Variants in C19orf81 observed in about 807,000 individuals in gnomAD.
C19orf81 encodes chromosome 19 open reading frame 81.
Under a neutral mutation model 22.1 loss-of-function variants are expected in C19orf81, and 19 were observed. That is an observed-to-expected ratio of 0.86 (90% CI 0.60 to 1.26). C19orf81 has a LOEUF of 1.26. C19orf81 is among the 50% of genes most tolerant of loss of function. The pLI is 0.00. For synonymous variants in C19orf81, 108 were observed against 113.1 expected (o/e 0.95, Z 0.29); for missense variants, 287 against 280.7 (o/e 1.02, Z -0.16).
intron 4 of C19orf81, chr19:50,658,628 T>G: frequency 3.3e-6 from 1 of 303,628 alleles, no homozygotes; most frequent in Non-Finnish European, 6.0e-6. Flanking sequence ...GGGCCAGGGG[T>G]GATAGGGTGG....
In C19orf81 at chr19:50,658,107, G is replaced by A. The variant is rs1308917823; in HGVS notation, c.380G>A (p.Gly127Glu). Reference sequence around the variant, plus strand: ...TTTGAGAACATGAACGTCATCTGTGGGACTGCTGGGCGCCGGAACCGGTGA... The same window carrying A: ...TTTGAGAACATGAACGTCATCTGTGAGACTGCTGGGCGCCGGAACCGGTGA... ...IRFENMNVIC[G>E]TAGRRNRWLI... The change falls in exon 4 of 5, where the codon GGG (glycine) becomes GAG (glutamate). Residue 127 changes from glycine (G) to glutamate (E), a missense_variant. By Grantham distance (98) the Gly-to-Glu change is moderately conservative. Coordinates refer to ENST00000425202, the MANE Select transcript of C19orf81 (RefSeq NM_001195076.2). 2 of 1,535,352 alleles carry A rather than the reference G, an allele frequency of 1.3e-6. No homozygotes were observed. The highest frequency in any genetic ancestry group is 4.9e-5 in the East Asian group (2 of 40,874).
chr19:50,653,682 G>GCACACA lies in C19orf81; in HGVS notation c.68-2314_68-2309dup, dbSNP rs57915687. Among the ~76,000 whole-genome samples the GCACACA allele has an allele frequency of 1.9e-3, 227 of 121,918 alleles. 1 individual carries two copies. The highest frequency in any genetic ancestry group is 3.7e-3 in the East Asian group (14 of 3,760). The allele number at this position is 121,918 out of a possible 152,430, so 80.0% of individuals were successfully genotyped here. A position where few individuals can be genotyped will look rare whatever the true frequency, so the allele number is the denominator to read the frequency against. Reference sequence around the variant, plus strand: ...TGTTGACTTATTGTAATGAGAGACAGCACACACACACACACACACACACAC... The same window carrying GCACACA: ...TGTTGACTTATTGTAATGAGAGACAGCACACACACACACACACACACACACACACAC... On this transcript the variant is annotated intron_variant, in intron 1 of 4. Coordinates refer to ENST00000425202, the MANE Select transcript of C19orf81 (RefSeq NM_001195076.2).
chr19:50,649,665 C>A, intron 1 of C19orf81, 154 bp downstream of exon 1: 1 of 876,550 alleles, frequency 1.1e-6, no homozygotes, highest in Non-Finnish European at 1.8e-6. Context: ...TCCTGGAGAG[C>A]GGCCCCCTTG....
intron 4 of C19orf81, chr19:50,658,520 G>C (rs1985055559): frequency 3.8e-6 from 1 of 265,146 alleles, no homozygotes; most frequent in African/African-American, 2.2e-5. Flanking sequence ...GTGAGTAGGG[G>C]CCCGAGTTTG....
At chr19:50,652,467 T>C (rs887305394) in intron 1 of C19orf81, among the ~76,000 whole-genome samples, 1 of 152,112 alleles carries the variant, frequency 6.6e-6, no homozygotes, top group Non-Finnish European at 1.5e-5. Flanking sequence ...AGGAATGGCA[T>C]CAGTGGACCC....
At chr19:50,652,200 T>C (rs1404538206) in intron 1 of C19orf81, among the ~76,000 whole-genome samples, 1 of 152,226 alleles carries the variant, frequency 6.6e-6, no homozygotes, top group Non-Finnish European at 1.5e-5. Flanking sequence ...TAAATTTCCC[T>C]AATTATCTCA....
In C19orf81 at chr19:50,658,044, C is replaced by T. The variant is rs1568422081; in HGVS notation, c.317C>T (p.Pro106Leu). Residue 106 changes from proline to leucine, a missense_variant, in exon 4 of 5, where the codon CCA becomes CTA. Pro to Leu is a moderately conservative substitution (Grantham distance 98). Transcript: ENST00000425202. ...CTGCAAGCCCTGGAGGCCCAGTTAC[C>T]AGGGGCCATGGAGAGCGGGCGCGTG... ...EVLQALEAQL[P>L]GAMESGRVSS... The T allele has an allele frequency of 3.3e-6, 5 of 1,536,026 alleles. No individual in the cohort carries two copies. The highest frequency in any genetic ancestry group is 4.4e-6 in the Non-Finnish European group (5 of 1,146,868).
intron 3 of C19orf81, 21 bp downstream of exon 3, chr19:50,656,367 AT>A (rs1568421744): frequency 3.9e-6 from 6 of 1,526,280 alleles, no homozygotes; most frequent in Non-Finnish European, 5.3e-6. Flanking sequence ...CTGTGCCCTT[AT>A]TTTCTGCACA....
At chr19:50,653,510 G>C (rs1024397811) in intron 1 of C19orf81, among the ~76,000 whole-genome samples, 2 of 152,022 alleles carry the variant, frequency 1.3e-5, no homozygotes, top group East Asian at 3.9e-4. Context: ...AGGGGATCCC[G>C]TGAAAATGTA....
intron 1 of C19orf81, among the ~76,000 whole-genome samples, chr19:50,654,677 T>A (rs1324531534): frequency 6.8e-6 from 1 of 147,930 alleles, no homozygotes; most frequent in Non-Finnish European, 1.5e-5. Flanking sequence ...TCACCCAGGC[T>A]GAAGTGCATT....
At chr19:50,649,788 C>G (rs1188257983) in intron 1 of C19orf81, 4 of 568,606 alleles carry the variant, frequency 7.0e-6, no homozygotes, top group Non-Finnish European at 1.3e-5. Context: ...TGAGGCCATT[C>G]TTCTCCTAGG....
At position 50,658,049 on chromosome 19, in the gene C19orf81, G is replaced by T; in HGVS notation, c.322G>T (p.Ala108Ser). 1 of 1,536,070 alleles carries T rather than the reference G, an allele frequency of 6.5e-7. No individual in the cohort carries two copies. Among genetic ancestry groups the T allele is most frequent in the South Asian group, 1.2e-5 (1 of 84,036 alleles). The change falls in exon 4 of 5, where the codon GCC becomes TCC. Residue 108 changes from alanine (A) to serine (S), a missense_variant. By Grantham distance (99) the Ala-to-Ser change is moderately conservative. Coordinates refer to ENST00000425202, the MANE Select transcript of C19orf81 (RefSeq NM_001195076.2). ...AGCCCTGGAGGCCCAGTTACCAGGG[G>T]CCATGGAGAGCGGGCGCGTGAGCAG... ...LQALEAQLPG[A>S]MESGRVSSIR...
intron 3 of C19orf81, among the ~76,000 whole-genome samples, chr19:50,657,659 T>C (rs1442726190): frequency 6.6e-6 from 1 of 152,244 alleles, no homozygotes; most frequent in East Asian, 1.9e-4. Context: ...TGCAAATTGC[T>C]GGGAAAGTTT....
chr19:50,655,978 G>T (rs1385642759), intron 1 of C19orf81, 72 bp from the exon 2 acceptor site: 72 of 1,419,720 alleles, frequency 5.1e-5, no homozygotes, highest in Non-Finnish European at 6.6e-5. Flanking sequence ...CAAGCAATTG[G>T]TGATGGCCAT....
Position 50,649,484 on chromosome 19 carries a change from G to A in C19orf81, c.40G>A (p.Gly14Ser). Residue 14 changes from glycine to serine, a missense_variant, in exon 1 of 5, where the codon GGC becomes AGC. Gly to Ser is a moderately conservative substitution (Grantham distance 56, BLOSUM62 0). Coordinates refer to ENST00000425202, the MANE Select transcript of C19orf81 (RefSeq NM_001195076.2). ...GGAGCCCGTGTGCTTCCCTGCCATG[G>A]GCAGCCCCACCATGCACAGGAAGGC... ...EVEPVCFPAM[G>S]SPTMHRKAGA... The A allele has an allele frequency of 2.0e-6, 3 of 1,536,230 alleles. No homozygotes were observed. Among genetic ancestry groups the A allele is most frequent in the Non-Finnish European group, 2.6e-6 (3 of 1,146,858 alleles).
At chr19:50,655,537 T>A (rs1411678540) in intron 1 of C19orf81, among the ~76,000 whole-genome samples, 13 of 151,852 alleles carry the variant, frequency 8.6e-5, no homozygotes. Context: ...TAGTCTCAGC[T>A]ACTCGGGAGG....
At chr19:50,655,326 A>G (rs1191129676) in intron 1 of C19orf81, among the ~76,000 whole-genome samples, 2 of 152,188 alleles carry the variant, frequency 1.3e-5, no homozygotes, top group African/African-American at 4.8e-5. Context: ...TGAAGTTCCA[A>G]TCAGGAGACT....
Position 50,658,975 on chromosome 19 carries a change from A to ACGCGCT in C19orf81, c.437_442dup (p.Ser146_Arg147dup). 2 of 1,507,648 alleles carry ACGCGCT rather than the reference A, an allele frequency of 1.3e-6. No individual in the cohort carries two copies. Among genetic ancestry groups the ACGCGCT allele is most frequent in the Non-Finnish European group, 1.8e-6 (2 of 1,129,888 alleles). The allele number at this position is 1,507,648 out of a possible 1,614,324, so 93.4% of individuals were successfully genotyped here. ...GCTCATCGCGGTCACGGACTTCCAG[A>ACGCGCT]CGCGCTCGCGCTTGCTGCGCTCCGG... On this transcript the variant is annotated inframe_insertion, in exon 5 of 5. Coordinates refer to ENST00000425202, the MANE Select transcript of C19orf81 (RefSeq NM_001195076.2).
intron 1 of C19orf81, among the ~76,000 whole-genome samples, chr19:50,652,084 A>G (rs1984889725): frequency 6.6e-6 from 1 of 152,164 alleles, no homozygotes; most frequent in Non-Finnish European, 1.5e-5. Flanking sequence ...CCTGGGCTCA[A>G]GCGATCCTCC....
Sources: allele counts gnomAD v4.1 joint callset (sites outside exome capture counted in the v4.1 genomes callset), GRCh38; gene constraint gnomAD v4.1.1; transcripts MANE v1.5; gene names NCBI Gene and HGNC (gene_info 2026-07-23, HGNC 2026-07-21).